The following MAP4K5 variants were observed in gnomAD, a reference collection of about 807,000 sequenced individuals.
MAP4K5 encodes the protein mitogen-activated protein kinase kinase kinase kinase 5.
MAP4K5 carries 82 observed loss-of-function variants against 135.6 expected under a neutral mutation model. The observed-to-expected ratio is 0.60, with a 90% CI of 0.51 to 0.73. The LOEUF (loss-of-function observed/expected upper bound fraction) is 0.73, where lower values mean the gene tolerates loss of function less well. Ranked by LOEUF, MAP4K5 falls within the 30% of genes least tolerant of loss-of-function variation. MAP4K5 has a pLI of 0.00. For missense variants in MAP4K5, 907 were observed against 1,010.9 expected (o/e 0.90, Z 1.39); for synonymous variants, 347 against 335.0 (o/e 1.04, Z -0.39).
chr14:50,553,952 A>G (rs953556861), intron 1 of MAP4K5, among the ~76,000 whole-genome samples: 1 of 152,150 alleles, frequency 6.6e-6, no homozygotes, highest in African/African-American at 2.4e-5. Context: ...GACTCCGGGC[A>G]AAGGGTCGGG....
At chr14:50,438,157 A>C in intron 23 of MAP4K5, 63 bp from the exon 24 acceptor site, 1 of 681,386 alleles carries the variant, frequency 1.5e-6, no homozygotes, top group East Asian at 2.6e-5. Flanking sequence ...ACACAAAAAA[A>C]CCCTCAGTTA....
intron 5 of MAP4K5, among the ~76,000 whole-genome samples, chr14:50,484,134 G>A (rs986993490): frequency 3.3e-4 from 50 of 151,840 alleles, no homozygotes; most frequent in African/African-American, 1.2e-3. Context: ...TGAGAAGATA[G>A]CAATTCTTTA....
chr14:50,452,739 G>A (rs1314510888), intron 14 of MAP4K5, among the ~76,000 whole-genome samples: 2 of 152,074 alleles, frequency 1.3e-5, no homozygotes, highest in East Asian at 1.9e-4. Context: ...AGAGACATAC[G>A]CCAATCTTAA....
At chr14:50,433,993 C>G (rs1321868263) in intron 28 of MAP4K5, among the ~76,000 whole-genome samples, 1 of 152,152 alleles carries the variant, frequency 6.6e-6, no homozygotes, top group East Asian at 1.9e-4. Context: ...CTATTCAGGT[C>G]TGAAAGCCAC....
At chr14:50,488,042 A>G (rs2037405108) in intron 3 of MAP4K5, among the ~76,000 whole-genome samples, 1 of 152,194 alleles carries the variant, frequency 6.6e-6, no homozygotes. Flanking sequence ...ACACTGCTAT[A>G]CAGAACTGCC....
Position 50,531,993 on chromosome 14 carries a change from GTCC to G in MAP4K5, c.54_56del (p.Gln18_Asp19delinsHis). On this transcript the variant is annotated inframe_deletion, in exon 2 of 33. Coordinates refer to ENST00000682126, the MANE Select transcript of MAP4K5 (RefSeq NM_006575.6). ...TGCCGACCCTCTGGACGAGTTCGTA[GTCC>G]TGCTGCGGGTTCCGCCTCAGGATGT... The G allele has an allele frequency of 6.2e-7, 1 of 1,602,786 alleles. No individual in the cohort carries two copies. Among genetic ancestry groups the G allele is most frequent in the Non-Finnish European group, 8.5e-7 (1 of 1,174,822 alleles).
chr14:50,499,929 C>T (rs145156202), intron 3 of MAP4K5, among the ~76,000 whole-genome samples: 1 of 152,022 alleles, frequency 6.6e-6, no homozygotes, highest in Non-Finnish European at 1.5e-5. Context: ...AAGTTATCTA[C>T]CAGGGGAAAA....
intron 31 of MAP4K5, among the ~76,000 whole-genome samples, chr14:50,424,992 G>A (rs897791886): frequency 6.6e-6 from 1 of 152,124 alleles, no homozygotes; most frequent in Non-Finnish European, 1.5e-5. Flanking sequence ...TTCTAATTCT[G>A]CATTCATATA....
chr14:50,552,362 A>G (rs916663795), intron 1 of MAP4K5, among the ~76,000 whole-genome samples: 23 of 152,246 alleles, frequency 1.5e-4, no homozygotes, highest in African/African-American at 1.7e-4. Flanking sequence ...GAAAGAAATC[A>G]TAGATGACAC....
chr14:50,441,524 A>C (rs1228646764), intron 21 of MAP4K5, among the ~76,000 whole-genome samples: 2 of 152,096 alleles, frequency 1.3e-5, no homozygotes, highest in Non-Finnish European at 2.9e-5. Context: ...AAAAAAGTTG[A>C]CATCAGAAGT....
chr14:50,554,579 A>G (rs761727888), intron 1 of MAP4K5, among the ~76,000 whole-genome samples: 44 of 152,214 alleles, frequency 2.9e-4, no homozygotes, highest in Non-Finnish European at 5.3e-4. Context: ...GTGAGCCAAG[A>G]CCATGATGCC....
In MAP4K5 at chr14:50,428,705, T is replaced by C; in HGVS notation, c.2283A>G (p.Lys761=). 1 of 1,524,160 alleles carries C rather than the reference T, an allele frequency of 6.6e-7. No homozygotes were observed. The allele number at this position is 1,524,160 out of a possible 1,614,324, so 94.4% of individuals were successfully genotyped here. A position where few individuals can be genotyped will look rare whatever the true frequency, so the allele number is the denominator to read the frequency against. The part of the protein sequence containing the change: ...NLQGKLKSSK[K]LASELSFDFR... ...AATCAAAACTTAACTCAGAGGCCAG[T>C]TTCTTACTTGATTTTAATTTTCCTT... Residue 761 remains lysine (K), a synonymous_variant, in exon 30 of 33, where the codon AAA becomes AAG. Coordinates refer to ENST00000682126, the MANE Select transcript of MAP4K5 (RefSeq NM_006575.6).
intron 22 of MAP4K5, 84 bp downstream of exon 22, chr14:50,440,278 G>T: frequency 1.1e-6 from 1 of 908,168 alleles, no homozygotes; most frequent in Non-Finnish European, 1.7e-6. Context: ...TTAAAATTGG[G>T]GCCTACACAG....
chr14:50,501,841 A>G (rs1025183035), intron 3 of MAP4K5, among the ~76,000 whole-genome samples: 3 of 152,180 alleles, frequency 2.0e-5, no homozygotes, highest in Non-Finnish European at 4.4e-5. Flanking sequence ...CATTTATTCC[A>G]TTATTCTAAC....
chr14:50,517,030 T>C (rs1050596645), intron 2 of MAP4K5, among the ~76,000 whole-genome samples: 2 of 152,170 alleles, frequency 1.3e-5, no homozygotes, highest in Non-Finnish European at 2.9e-5. Flanking sequence ...AGTCTAGTTA[T>C]TATTTACTTT....
intron 6 of MAP4K5, among the ~76,000 whole-genome samples, chr14:50,482,109 G>C (rs1342113049): frequency 6.6e-6 from 1 of 152,028 alleles, no homozygotes; most frequent in Non-Finnish European, 1.5e-5. Flanking sequence ...GCATCAAAGT[G>C]GAATTCCACA....
chr14:50,445,750 A>G (rs1290459757), intron 17 of MAP4K5, among the ~76,000 whole-genome samples: 1 of 152,070 alleles, frequency 6.6e-6, no homozygotes, highest in Non-Finnish European at 1.5e-5. Flanking sequence ...TTGTATTTTT[A>G]GTAGAGAGGG....
chr14:50,533,636 A>G (rs2038452579), upstream of MAP4K5, among the ~76,000 whole-genome samples: 1 of 152,208 alleles, frequency 6.6e-6, no homozygotes, highest in South Asian at 2.1e-4. Flanking sequence ...TTGAACAGAA[A>G]AGCCAGATAA....
At chr14:50,475,208 A>T in intron 8 of MAP4K5, 59 bp from the exon 9 acceptor site, 4 of 1,306,184 alleles carry the variant, frequency 3.1e-6, no homozygotes, top group South Asian at 1.2e-5. Flanking sequence ...CAACATTTTT[A>T]CTTTCGCCCT....
Sources: allele counts gnomAD v4.1 joint callset (sites outside exome capture counted in the v4.1 genomes callset), GRCh38; gene constraint gnomAD v4.1.1; transcripts MANE v1.5; gene names NCBI Gene and HGNC (gene_info 2026-07-23, HGNC 2026-07-21).